Variants in HCFC1 observed in about 807,000 individuals in gnomAD.
HCFC1 encodes host cell factor C1.
A neutral mutation model predicts 105.5 loss-of-function variants in HCFC1; 7 were observed. That is an observed-to-expected ratio of 0.07 (90% CI 0.04 to 0.12). The LOEUF (loss-of-function observed/expected upper bound fraction) is 0.12, where lower values mean the gene tolerates loss of function less well. HCFC1 is among the 10% of genes least tolerant of loss of function. The pLI is 1.00. For synonymous variants in HCFC1, 918 were observed against 828.1 expected, an observed-to-expected ratio of 1.11 and a Z score of -1.86; for missense variants, 1,065 against 1,823.6, an observed-to-expected ratio of 0.58 and a Z score of 7.58.
Position 153,956,220 on chromosome X carries a change from C to T in HCFC1, c.2827G>A (p.Gly943Arg). The change falls in exon 16 of 26, where the codon GGG (glycine) becomes AGG (arginine). Residue 943 changes from glycine (G) to arginine (R), a missense_variant. This residue lies in a region of HCFC1 where 137 missense variants were observed against 378.2 expected (regional missense o/e 0.36). Coordinates refer to ENST00000310441, the MANE Select transcript of HCFC1 (RefSeq NM_005334.3). ...AAQTTLTAAG[G>R]LTTPTITMQP... ...ATGGTGATGGTTGGGGTTGTGAGCC[C>T]GCCTGCCGCTGTCAGCGTGGTCTGT... The T allele has an allele frequency of 3.3e-6, 4 of 1,211,722 alleles. No individual in the cohort carries two copies. The highest frequency in any genetic ancestry group is 1.7e-5 in the African/African-American group (1 of 57,981).
Position 153,952,740 on chromosome X carries a change from G to C in HCFC1, c.4716C>G (p.Val1572=), listed in dbSNP as rs1053862024. 4 of 1,207,920 alleles carry C rather than the reference G, an allele frequency of 3.3e-6. No homozygotes were observed. The highest frequency in any genetic ancestry group is 2.2e-5 in the Admixed American group (1 of 46,058). The change falls in exon 19 of 26, where the codon GTC becomes GTG. Residue 1572 remains valine, a synonymous_variant. Coordinates refer to ENST00000310441, the MANE Select transcript of HCFC1 (RefSeq NM_005334.3). ...AGSAVVATVV[V]QPPPPTQSEV... is the part of the protein sequence containing the mutation. ...CGGACTGTGTGGGTGGGGGTGGCTG[G>C]ACCACCACAGTGGCCACCACCGCAG... is the stretch of plus-strand genomic sequence containing the variant.
Position 153,960,409 on chromosome X carries a change from T to C in HCFC1, c.910A>G (p.Met304Val). The C allele has an allele frequency of 8.4e-7, 1 of 1,189,431 alleles. No individual in the cohort carries two copies. Among genetic ancestry groups the C allele is most frequent in the Non-Finnish European group, 1.1e-6 (1 of 881,258 alleles). The change falls in exon 7 of 26, where the codon ATG (methionine) becomes GTG (valine). Residue 304 changes from methionine (M) to valine (V), a missense_variant. Around this residue, in one of 17 missense-constraint regions of HCFC1, gnomAD observed 18 missense variants for 40.1 expected, o/e 0.45. Coordinates refer to ENST00000310441, the MANE Select transcript of HCFC1 (RefSeq NM_005334.3). ...TCCATCAGGATGGTCTCCCAGGCCA[T>C]GGTATCTGGGGGAGGGCAGACAAGG... ...NTLACLNLDT[M>V]AWETILMDTL...
chrX:153,960,075 C>T lies in HCFC1; in HGVS notation c.1171G>A (p.Asp391Asn). 8.3e-7 allele frequency: 1 copy of T among 1,211,421 alleles called. No homozygotes were observed. Among genetic ancestry groups the T allele is most frequent in the Non-Finnish European group, 1.1e-6 (1 of 895,307 alleles). ...TTCTGGAGCTGGAGAAGGTAGCTGT[C>T]GGCTGTTGCCACTGCCCCCCAGCTC... The part of the protein sequence containing the change: ...EVSWGAVATA[D>N]SYLLQLQKYD... The change falls in exon 8 of 26, where the codon GAC (aspartate) becomes AAC (asparagine). Residue 391 changes from aspartate to asparagine, a missense_variant. By Grantham distance (23) the Asp-to-Asn change is conservative. This residue lies in a region of HCFC1 where 101 missense variants were observed against 155.1 expected (regional missense o/e 0.65). Coordinates refer to ENST00000310441, the MANE Select transcript of HCFC1 (RefSeq NM_005334.3).
chrX:153,959,403 T>C lies in HCFC1; in HGVS notation c.1533A>G (p.Lys511=). The change falls in exon 9 of 26, where the codon AAA becomes AAG. Residue 511 remains lysine, a synonymous_variant. Coordinates refer to ENST00000310441, the MANE Select transcript of HCFC1 (RefSeq NM_005334.3). The part of the protein sequence containing the change: ...VTMRPASQAG[K]APVTVTSLPA... The stretch of plus-strand genomic sequence containing the variant: ...GAAGGGAGGTCACGGTGACAGGGGC[T>C]TTCCCAGCCTGGCTGGCAGGTCGCA... 1 of 1,211,747 alleles carries C rather than the reference T, an allele frequency of 8.3e-7. No individual in the cohort carries two copies. The highest frequency in any genetic ancestry group is 1.7e-5 in the African/African-American group (1 of 57,967).
chrX:153,948,508 AAAC>A lies in HCFC1; in HGVS notation c.*836_*838del, dbSNP rs1210959462. 1.8e-4 allele frequency: 20 copies of A among 112,956 alleles called. No homozygotes were observed. Among genetic ancestry groups the A allele is most frequent in the African/African-American group, 5.8e-4 (18 of 30,985 alleles). The allele number at this position is 112,956 out of a possible 1,213,427, so 9.3% of individuals were successfully genotyped here. A position where few individuals can be genotyped will look rare whatever the true frequency, so the allele number is the denominator to read the frequency against. On this transcript the variant is annotated 3_prime_UTR_variant, in exon 26 of 26. Transcript: ENST00000310441. ...AAAAAAACAAAAACAAAACAAAACAAAACAAAAAAAAGAGAAAAGAAAAAAGAT... is the reference window on the plus strand; with the variant it reads ...AAAAAAACAAAAACAAAACAAAACAAAAAAAAAAGAGAAAAGAAAAAAGAT...
At chrX:153,969,336 T>C in intron 1 of HCFC1, 1 of 110,509 alleles carries the variant, frequency 9.0e-6, no homozygotes, top group Non-Finnish European at 1.9e-5. Context: ...AGGGGATCGC[T>C]AGAGCCCCCA....
Position 153,964,116 on chromosome X carries a change from A to G in HCFC1, c.503+8T>C, listed in dbSNP as rs1557117744. 8.4e-7 allele frequency: 1 copy of G among 1,194,918 alleles called. No homozygotes were observed. Among genetic ancestry groups the G allele is most frequent in the Middle Eastern group, 2.3e-4 (1 of 4,283 alleles). On this transcript the variant is annotated splice_region_variant and intron_variant, in intron 3 of 25. Transcript: ENST00000310441. ...CGGGGGGTTCCAGAGAAAAGGACCA[A>G]GCCTCACCTTGGAATGTTGTTCTTT...
chrX:153,951,744 G>A, intron 20 of HCFC1, 37 bp from the exon 21 acceptor site: 1 of 1,183,539 alleles, frequency 8.4e-7, no homozygotes, highest in Non-Finnish European at 1.1e-6. Flanking sequence ...AAAGACTCGG[G>A]AAACCTGGCT....
rs782364701 is a variant in HCFC1 at position 153,948,443 on chromosome X, A to G, written c.*904T>C. ...CCTGGCTGGCCCCAGCTTTTCCTCC[A>G]GAAAGATCCCTGCCAAGAATTAGCC... On this transcript the variant is annotated 3_prime_UTR_variant, in exon 26 of 26. Transcript: ENST00000310441. 8.9e-6 allele frequency: 1 copy of G among 112,380 alleles called. No homozygotes were observed. Among genetic ancestry groups the G allele is most frequent in the African/African-American group, 3.2e-5 (1 of 30,898 alleles). The allele number at this position is 112,380 out of a possible 1,213,427, so 9.3% of individuals were successfully genotyped here.
rs782066275 is a variant in HCFC1, at chrX:153,956,584, T to C, written c.2635+41A>G. ...ATTGAAGGCCAGCCCTGCTTCGTTA[T>C]AATCTAGGGGTGGCAGGGGACCTGG... On this transcript the variant is annotated intron_variant, in intron 15 of 25. Transcript: ENST00000310441. 13 of 1,204,864 alleles carry C rather than the reference T, an allele frequency of 1.1e-5. No homozygotes were observed. The South Asian group carries it at 1.9e-4, about 18-fold the overall frequency.
In HCFC1 at chrX:153,949,303, G is replaced by C. The variant is rs781825015; in HGVS notation, c.*44C>G. The C allele has an allele frequency of 2.6e-6, 3 of 1,146,126 alleles. No individual in the cohort carries two copies. In the East Asian group the frequency reaches 8.9e-5, roughly 34 times the overall value. The allele number at this position is 1,146,126 out of a possible 1,213,427, so 94.5% of individuals were successfully genotyped here. A position where few individuals can be genotyped will look rare whatever the true frequency, so the allele number is the denominator to read the frequency against. On this transcript the variant is annotated 3_prime_UTR_variant, in exon 26 of 26. Coordinates refer to ENST00000310441, the MANE Select transcript of HCFC1 (RefSeq NM_005334.3). ...GTGGGCCCTGGCGGGTGTTCCTGAAGCAGGGGGGTCTGGAGAAGAATCCAG... is the reference window on the plus strand; with the variant it reads ...GTGGGCCCTGGCGGGTGTTCCTGAACCAGGGGGGTCTGGAGAAGAATCCAG...
At chrX:153,956,169 G>A (rs782107437) in intron 16 of HCFC1, 22 bp downstream of exon 16, 30 of 1,188,340 alleles carry the variant, frequency 2.5e-5, no homozygotes, top group Non-Finnish European at 3.4e-5. Context: ...TCGCCCACAC[G>A]TGGCCTCAGG....
rs782200164 is a variant in HCFC1, at chrX:153,956,236, C to T, written c.2811G>A (p.Thr937=). ...TTGTGAGCCCGCCTGCCGCTGTCAG[C>T]GTGGTCTGTGCGGCCGACACAGTGA... is the stretch of plus-strand genomic sequence containing the variant. ...TAITVSAAQT[T]LTAAGGLTTP... Residue 937 remains threonine (T), a synonymous_variant, in exon 16 of 26, where the codon ACG becomes ACA. Coordinates refer to ENST00000310441, the MANE Select transcript of HCFC1 (RefSeq NM_005334.3). The T allele has an allele frequency of 5.8e-6, 7 of 1,211,352 alleles. No individual in the cohort carries two copies. Among genetic ancestry groups the T allele is most frequent in the African/African-American group, 3.5e-5 (2 of 57,646 alleles).
chrX:153,968,733 C>T (rs2065496293), intron 1 of HCFC1, among the ~76,000 whole-genome samples: 1 of 112,950 alleles, frequency 8.9e-6, no homozygotes, highest in Admixed American at 9.3e-5. Context: ...CTGGAGCCGA[C>T]TGTAATTAGG....
chrX:153,955,098 G>C lies in HCFC1; in HGVS notation c.3301C>G (p.Gln1101Glu). 1.7e-6 allele frequency: 2 copies of C among 1,205,602 alleles called. No individual in the cohort carries two copies. Among genetic ancestry groups the C allele is most frequent in the Admixed American group, 4.4e-5 (2 of 45,443 alleles). The change falls in exon 17 of 26, where the codon CAG becomes GAG. Residue 1101 changes from glutamine (Q) to glutamate (E), a missense_variant. Physicochemically the swap from Gln to Glu is conservative, Grantham distance 29. Transcript: ENST00000310441. ...ATTATSNMAG[Q>E]HGCSNPPCET... ...CAGGGTGGGTTTGAGCAGCCATGCT[G>C]CCCGGCCATGTTGGAGGTGGCGGTG...
chrX:153,966,998 T>C (rs2065479257), intron 1 of HCFC1, among the ~76,000 whole-genome samples: 1 of 112,039 alleles, frequency 8.9e-6, no homozygotes, highest in African/African-American at 3.2e-5. Flanking sequence ...GAGGTGCTGA[T>C]CTCATTCTAG....
chrX:153,956,081 C>T, intron 16 of HCFC1, 110 bp downstream of exon 16: 2 of 715,569 alleles, frequency 2.8e-6, no homozygotes, highest in Non-Finnish European at 4.2e-6. Context: ...CTGCACCCGG[C>T]AGCAGCGCAA....
At position 153,952,554 on chromosome X, in the gene HCFC1, G is replaced by A. The variant is rs1342409618; in HGVS notation, c.4902C>T (p.Ala1634=). The stretch of plus-strand genomic sequence containing the variant: ...GCGCGGCCTGGAGCACCGCCTGGAT[G>A]GCCAGGGCCTGGGCTTCCTCCGTGG... ...AAATEEAQAL[A]IQAVLQAAQQ... Residue 1634 remains alanine (A), a synonymous_variant, in exon 19 of 26, where the codon GCC becomes GCT. Coordinates refer to ENST00000310441, the MANE Select transcript of HCFC1 (RefSeq NM_005334.3). 3 of 1,185,995 alleles carry A rather than the reference G, an allele frequency of 2.5e-6. No homozygotes were observed. Among genetic ancestry groups the A allele is most frequent in the Non-Finnish European group, 3.4e-6 (3 of 881,292 alleles).
At position 153,954,918 on chromosome X, in the gene HCFC1, C is replaced by A; in HGVS notation, c.3481G>T (p.Gly1161Cys). Reference protein sequence around the residue: ...VATGALEAAQGSKSQCQTRQT... With the variant: ...VATGALEAAQCSKSQCQTRQT... ...CGGGTTTGGCACTGGGACTTAGAGCCCTGGGCTGCCTCCAGCGCCCCAGTG... is the reference window on the plus strand; with the variant it reads ...CGGGTTTGGCACTGGGACTTAGAGCACTGGGCTGCCTCCAGCGCCCCAGTG... Residue 1161 changes from glycine to cysteine, a missense_variant, in exon 17 of 26, where the codon GGC (glycine) becomes TGC (cysteine). Gly to Cys is a radical substitution (Grantham distance 159). Around this residue, in one of 17 missense-constraint regions of HCFC1, gnomAD observed 546 missense variants for 599.9 expected, o/e 0.91. Coordinates refer to ENST00000310441, the MANE Select transcript of HCFC1 (RefSeq NM_005334.3). The A allele has an allele frequency of 1.7e-6, 2 of 1,179,567 alleles. No homozygotes were observed. Among genetic ancestry groups the A allele is most frequent in the Non-Finnish European group, 1.1e-6 (1 of 881,928 alleles).
Sources: allele counts gnomAD v4.1 joint callset (sites outside exome capture counted in the v4.1 genomes callset), GRCh38; gene constraint gnomAD v4.1.1; regional missense constraint gnomAD v4.1.1; transcripts MANE v1.5; gene names NCBI Gene and HGNC (gene_info 2026-07-23, HGNC 2026-07-21).